TMC1: variants seen among roughly 807,000 people sequenced by gnomAD.
The protein encoded by TMC1 is transmembrane channel like 1, also known as transmembrane channel-like protein 1.
In TMC1, 84 loss-of-function variants were observed where a neutral mutation model predicts 105.8. The ratio of observed to expected loss-of-function variants is 0.79; its 90% CI spans 0.67 to 0.95. TMC1 has a LOEUF of 0.95. TMC1 is among the 40% of genes least tolerant of loss of function. The probability of loss-of-function intolerance (pLI) is 0.00; values close to 1 mark genes in which losing one functional copy is unlikely to be tolerated. For synonymous variants in TMC1, 315 were observed against 311.5 expected (o/e 1.01, Z -0.12); for missense variants, 817 against 914.1 (o/e 0.89, Z 1.37).
intron 23 of TMC1, among the ~76,000 whole-genome samples, 166 bp from the exon 24 acceptor site, chr9:72,835,784 TG>T (rs1297594623): frequency 6.6e-6 from 1 of 152,152 alleles, no homozygotes; most frequent in East Asian, 1.9e-4. Flanking sequence ...AACATTAAAA[TG>T]GTAAATATTA....
intron 18 of TMC1, among the ~76,000 whole-genome samples, chr9:72,806,192 TC>T (rs1828576436): frequency 7.7e-6 from 1 of 129,122 alleles, no homozygotes; most frequent in African/African-American, 2.6e-5. Flanking sequence ...CCACCTCCCC[TC>T]CCGGACGGGG....
At chr9:72,533,868 C>CA in intron 1 of TMC1, among the ~76,000 whole-genome samples, 1 of 152,162 alleles carries the variant, frequency 6.6e-6, no homozygotes, top group Non-Finnish European at 1.5e-5. Flanking sequence ...TGCAGTGACT[C>CA]ACGCTTGTAA....
At chr9:72,696,349 G>T (rs930925874) in intron 7 of TMC1, among the ~76,000 whole-genome samples, 2 of 152,028 alleles carry the variant, frequency 1.3e-5, no homozygotes, top group African/African-American at 2.4e-5. Context: ...CTCTCCATAG[G>T]TTTTGCAAAT....
At chr9:72,794,487 C>T (rs983595906) in intron 17 of TMC1, among the ~76,000 whole-genome samples, 1 of 152,170 alleles carries the variant, frequency 6.6e-6, no homozygotes, top group African/African-American at 2.4e-5. Flanking sequence ...TACTGGATCA[C>T]ATTCCCCAAA....
chr9:72,766,244 C>T (rs567758677), intron 12 of TMC1, among the ~76,000 whole-genome samples: 2 of 151,438 alleles, frequency 1.3e-5, no homozygotes, highest in Admixed American at 6.6e-5. Flanking sequence ...GGTGAAACCC[C>T]GTCTCTACTA....
chr9:72,760,755 A>G (rs148796286), intron 12 of TMC1, among the ~76,000 whole-genome samples: 1 of 152,270 alleles, frequency 6.6e-6, no homozygotes, highest in Non-Finnish European at 1.5e-5. Flanking sequence ...CACAAGCATG[A>G]TCTCTTATGG....
rs564975565 is a variant in TMC1 at position 72,695,503 on chromosome 9, G to C, written c.236+789G>C. On this transcript the variant is annotated intron_variant, in intron 7 of 23. Transcript: ENST00000297784. ...TAGACCCCTTGGAAAGAATGCAAGA[G>C]AACAGCCAACCTGTTCCACAACTCA... is the stretch of plus-strand genomic sequence containing the variant. Among the ~76,000 whole-genome samples, 24 of 151,856 alleles carry C rather than the reference G, an allele frequency of 1.6e-4. No individual in the cohort carries two copies. In the South Asian group the frequency reaches 5.0e-3, roughly 32 times the overall value.
intron 21 of TMC1, among the ~76,000 whole-genome samples, chr9:72,829,499 A>T (rs1200834828): frequency 3.3e-5 from 5 of 152,208 alleles, no homozygotes; most frequent in African/African-American, 1.2e-4. Flanking sequence ...TACACACCAC[A>T]CACAAACACA....
At chr9:72,552,646 T>C (rs922527251) in intron 1 of TMC1, among the ~76,000 whole-genome samples, 1 of 152,182 alleles carries the variant, frequency 6.6e-6, no homozygotes, top group African/African-American at 2.4e-5. Context: ...GCTAAAATTT[T>C]AATTAAAGAA....
At chr9:72,784,887 A>C (rs1255184923) in intron 13 of TMC1, among the ~76,000 whole-genome samples, 2 of 152,218 alleles carry the variant, frequency 1.3e-5, no homozygotes, top group Non-Finnish European at 2.9e-5. Flanking sequence ...GAAGCTAAAC[A>C]TTGAGTACAC....
chr9:72,565,094 G>A (rs1824124292), intron 1 of TMC1, among the ~76,000 whole-genome samples: 1 of 152,202 alleles, frequency 6.6e-6, no homozygotes, highest in African/African-American at 2.4e-5. Flanking sequence ...TCAGTATTGG[G>A]CAGTTAGTGA....
At chr9:72,577,049 G>C (rs1824394153) in intron 1 of TMC1, among the ~76,000 whole-genome samples, 2 of 151,902 alleles carry the variant, frequency 1.3e-5, no homozygotes, top group East Asian at 1.9e-4. Flanking sequence ...GGAAATGTTT[G>C]CTATTTTTTT....
At chr9:72,694,396 A>G (rs1052817107) in intron 6 of TMC1, 147 bp from the exon 7 acceptor site, 7 of 675,954 alleles carry the variant, frequency 1.0e-5, no homozygotes, top group African/African-American at 9.0e-5. Context: ...TGAAATATGT[A>G]TTCCATGATG....
chr9:72,835,906 T>G (rs1588108886), intron 23 of TMC1, 45 bp from the exon 24 acceptor site: 1 of 1,567,968 alleles, frequency 6.4e-7, no homozygotes. Flanking sequence ...CTTCTCTCTC[T>G]CTCTCCTTGT....
chr9:72,532,567 A>C (rs867383330), intron 1 of TMC1, among the ~76,000 whole-genome samples: 9 of 35,424 alleles, frequency 2.5e-4, no homozygotes, highest in African/African-American at 1.9e-3. Flanking sequence ...AAAAAAAAAA[A>C]AAAAAAAAAA....
intron 1 of TMC1, among the ~76,000 whole-genome samples, chr9:72,535,248 G>C (rs1007434605): frequency 1.3e-5 from 2 of 152,170 alleles, no homozygotes; most frequent in African/African-American, 4.8e-5. Context: ...GTACCCCGAT[G>C]TCTTCTAAAC....
intron 10 of TMC1, among the ~76,000 whole-genome samples, chr9:72,750,419 A>G (rs1002307583): frequency 2.0e-5 from 3 of 152,224 alleles, no homozygotes; most frequent in South Asian, 2.1e-4. Flanking sequence ...TGGGAAAGCT[A>G]GCAACTTGGT....
At chr9:72,545,039 T>C (rs539648167) in intron 1 of TMC1, among the ~76,000 whole-genome samples, 2 of 152,128 alleles carry the variant, frequency 1.3e-5, no homozygotes, top group Admixed American at 6.6e-5. Flanking sequence ...ATACAATATT[T>C]GGTTTTCCAT....
intron 10 of TMC1, among the ~76,000 whole-genome samples, chr9:72,751,059 C>T (rs1827572982): frequency 6.6e-6 from 1 of 152,160 alleles, no homozygotes; most frequent in Admixed American, 6.6e-5. Context: ...CTTTCCCTTC[C>T]CTCCTGTAGG....
Sources: allele counts gnomAD v4.1 joint callset (sites outside exome capture counted in the v4.1 genomes callset), GRCh38; gene constraint gnomAD v4.1.1; transcripts MANE v1.5; gene names NCBI Gene and HGNC (gene_info 2026-07-23, HGNC 2026-07-21).